The following PI4KB variants were observed in gnomAD, a reference collection of about 807,000 sequenced individuals.
PI4KB encodes the protein PtdIns 4-kinase beta.
In PI4KB, 23 loss-of-function variants were observed where a neutral mutation model predicts 81.4. That is an observed-to-expected ratio of 0.28 (90% CI 0.20 to 0.40). The LOEUF (loss-of-function observed/expected upper bound fraction) is 0.40, where lower values mean the gene tolerates loss of function less well. Among genes scored for constraint, PI4KB ranks in the 10% least tolerant of loss-of-function variants. The probability of loss-of-function intolerance (pLI) is 1.00; values close to 1 mark genes in which losing one functional copy is unlikely to be tolerated. For synonymous variants in PI4KB, 381 were observed against 406.8 expected, an observed-to-expected ratio of 0.94 and a Z score of 0.76; for missense variants, 651 against 1,036.6, an observed-to-expected ratio of 0.63 and a Z score of 5.11.
chr1:151,303,415 G>A, intron 6 of PI4KB, 126 bp downstream of exon 6: 1 of 732,840 alleles, frequency 1.4e-6, no homozygotes, highest in Non-Finnish European at 2.5e-6. Flanking sequence ...CCCAAACAAG[G>A]ACAGAATGAA....
intron 9 of PI4KB, among the ~76,000 whole-genome samples, chr1:151,297,874 T>C (rs1216481794): frequency 1.3e-5 from 2 of 152,134 alleles, no homozygotes; most frequent in Non-Finnish European, 2.9e-5. Context: ...ACCATGTTAC[T>C]GGAAGCCCCA....
At chr1:151,298,097 G>GA (rs1218980509) in intron 9 of PI4KB, among the ~76,000 whole-genome samples, 1 of 151,824 alleles carries the variant, frequency 6.6e-6, no homozygotes, top group Non-Finnish European at 1.5e-5. Context: ...ATGTCATATT[G>GA]AAAAAAAATG....
Position 151,303,525 on chromosome 1 carries a change from T to TG in PI4KB, c.1520+15dup, listed in dbSNP as rs777906133. The TG allele has an allele frequency of 6.7e-7, 1 of 1,486,698 alleles. No homozygotes were observed. Among genetic ancestry groups the TG allele is most frequent in the Non-Finnish European group, 9.4e-7 (1 of 1,063,746 alleles). The allele number at this position is 1,486,698 out of a possible 1,614,324, so 92.1% of individuals were successfully genotyped here. A position where few individuals can be genotyped will look rare whatever the true frequency, so the allele number is the denominator to read the frequency against. On this transcript the variant is annotated intron_variant, in intron 6 of 11. Transcript: ENST00000368873. ...AAGAGGGATGAAAAATGAGGGGCAA[T>TG]GTGATCTGGCCATACCGGATGTCCC...
Position 151,303,602 on chromosome 1 carries a change from C to G in PI4KB, c.1459G>C (p.Val487Leu). The G allele has an allele frequency of 6.2e-7, 1 of 1,614,118 alleles. No individual in the cohort carries two copies. Among genetic ancestry groups the G allele is most frequent in the African/African-American group, 1.3e-5 (1 of 75,052 alleles). ...NSCDNISQFS[V>L]DSITSQESKE... ...CTCTCCTGGCTGGTGATGCTGTCCACAGAGAACTGGGAGATGTTGTCACAG... is the reference window on the plus strand; with the variant it reads ...CTCTCCTGGCTGGTGATGCTGTCCAGAGAGAACTGGGAGATGTTGTCACAG... Residue 487 changes from valine to leucine, a missense_variant, in exon 6 of 12, where the codon GTG becomes CTG. This residue lies in a region of PI4KB where 246 missense variants were observed against 430.1 expected (regional missense o/e 0.57). Coordinates refer to ENST00000368873, the MANE Select transcript of PI4KB (RefSeq NM_001369623.2).
chr1:151,323,496 G>A (rs1649150780), intron 1 of PI4KB, among the ~76,000 whole-genome samples: 1 of 151,554 alleles, frequency 6.6e-6, no homozygotes, highest in African/African-American at 2.4e-5. Context: ...GCCGGGGTGG[G>A]TGGATCACCT....
intron 1 of PI4KB, chr1:151,326,305 G>C: frequency 1.1e-6 from 1 of 885,678 alleles, no homozygotes; most frequent in Non-Finnish European, 1.8e-6. Flanking sequence ...TGTCCTGAAC[G>C]GCCTGAGGCA....
chr1:151,313,025 A>C (rs1177996448), intron 2 of PI4KB, among the ~76,000 whole-genome samples: 2 of 152,002 alleles, frequency 1.3e-5, no homozygotes, highest in Non-Finnish European at 2.9e-5. Context: ...TGCAAGAAAA[A>C]GGGCGGACGG....
At chr1:151,306,505 T>C (rs1184509734) in intron 4 of PI4KB, 142 bp from the exon 5 acceptor site, 3 of 626,558 alleles carry the variant, frequency 4.8e-6, no homozygotes, top group African/African-American at 3.7e-5. Context: ...ATGAACACTA[T>C]ATTTAGGGCA....
At chr1:151,326,800 G>A (rs928103205) in intron 1 of PI4KB, among the ~76,000 whole-genome samples, 10 of 152,140 alleles carry the variant, frequency 6.6e-5, no homozygotes, top group African/African-American at 2.2e-4. Context: ...AGACAGGGAT[G>A]CAATCTTTAG....
chr1:151,293,071 C>CG (rs1694435369), intron 11 of PI4KB, 38 bp from the exon 12 acceptor site: 1 of 1,605,558 alleles, frequency 6.2e-7, no homozygotes, highest in South Asian at 1.1e-5. Flanking sequence ...CATGGATGGA[C>CG]GGGAGGGGCA....
chr1:151,301,033 G>A (rs1275999886), intron 8 of PI4KB: 2 of 152,270 alleles, frequency 1.3e-5, no homozygotes, highest in East Asian at 3.8e-4. Flanking sequence ...CAGGACAGGT[G>A]CAGGTCACAA....
At chr1:151,324,953 T>G (rs1649399060) in intron 1 of PI4KB, 1 of 964,872 alleles carries the variant, frequency 1.0e-6, no homozygotes. Context: ...GGAAATATGA[T>G]TTCTGGTTGG....
At position 151,292,944 on chromosome 1, in the gene PI4KB, G is replaced by C; in HGVS notation, c.2359C>G (p.Leu787Val). The change falls in exon 12 of 12, where the codon CTG (leucine) becomes GTG (valine). Residue 787 changes from leucine to valine, a missense_variant. Leu to Val is a conservative substitution (Grantham distance 32, BLOSUM62 1). Transcript: ENST00000368873. Reference protein sequence around the residue: ...HMSMTEEQLQLLVEQMVDGSM... With the variant: ...HMSMTEEQLQVLVEQMVDGSM... ...CCATCCACCATCTGCTCCACCAGCA[G>C]CTGCAGCTGCTCCTCAGTCATGCTC... The C allele has an allele frequency of 1.2e-6, 2 of 1,614,166 alleles. No individual in the cohort carries two copies. The highest frequency in any genetic ancestry group is 1.7e-6 in the Non-Finnish European group (2 of 1,180,016).
At position 151,306,217 on chromosome 1, in the gene PI4KB, A is replaced by G; in HGVS notation, c.1329T>C (p.Ala443=). The G allele has an allele frequency of 6.2e-7, 1 of 1,614,174 alleles. No individual in the cohort carries two copies. Among genetic ancestry groups the G allele is most frequent in the South Asian group, 1.1e-5 (1 of 91,084 alleles). The change falls in exon 5 of 12, where the codon GCT becomes GCC. Residue 443 remains alanine (A), a synonymous_variant. Transcript: ENST00000368873. ...PECGITHEQR[A]GSFSTVPNYD... ...AGTTGGGCACAGTGCTGAAGCTGCC[A>G]GCTCGCTGCTCATGGGTAATACCAC...
intron 1 of PI4KB, among the ~76,000 whole-genome samples, chr1:151,320,077 A>G (rs1648620820): frequency 6.6e-6 from 1 of 152,144 alleles, no homozygotes; most frequent in African/African-American, 2.4e-5. Context: ...TCTGTCGCCC[A>G]GGCTGGAGTG....
At chr1:151,326,313 G>A in intron 1 of PI4KB, 3 of 755,870 alleles carry the variant, frequency 4.0e-6, no homozygotes, top group Non-Finnish European at 6.6e-6. Flanking sequence ...ACGGCCTGAG[G>A]CAGCTGAGGC....
intron 10 of PI4KB, 47 bp from the exon 11 acceptor site, chr1:151,294,185 G>C (rs769705940): frequency 1.3e-6 from 2 of 1,587,684 alleles, no homozygotes; most frequent in Non-Finnish European, 1.7e-6. Flanking sequence ...CTTACACCGG[G>C]GATGGTCCCT....
intron 1 of PI4KB, among the ~76,000 whole-genome samples, chr1:151,320,407 A>C (rs1403329421): frequency 6.6e-6 from 1 of 152,238 alleles, no homozygotes; most frequent in Non-Finnish European, 1.5e-5. Flanking sequence ...AAAGTTTTGC[A>C]GAAAGACGGA....
intron 1 of PI4KB, chr1:151,324,971 T>A: frequency 2.5e-6 from 2 of 797,596 alleles, no homozygotes; most frequent in Non-Finnish European, 3.0e-6. Context: ...TGGGGATGCT[T>A]CCAAGGAGGA....
Sources: gnomAD v4.1 joint callset for allele counts (sites outside exome capture counted in the v4.1 genomes callset) on GRCh38, gnomAD v4.1.1 for gene constraint, gnomAD v4.1.1 regional missense constraint, MANE v1.5 for transcripts, NCBI Gene and HGNC (gene_info 2026-07-23, HGNC 2026-07-21) for gene names.